KCNMA1: variants seen among roughly 807,000 people sequenced by gnomAD.
The protein encoded by KCNMA1 is potassium calcium-activated channel subfamily M alpha 1.
Under a neutral mutation model 140.0 loss-of-function variants are expected in KCNMA1, and 29 were observed. That is an observed-to-expected ratio of 0.21 (90% CI 0.15 to 0.28). The LOEUF (loss-of-function observed/expected upper bound fraction) is 0.28, where lower values mean the gene tolerates loss of function less well. Ranked by LOEUF, KCNMA1 falls within the 10% of genes least tolerant of loss-of-function variation. KCNMA1 has a pLI of 1.00. For synonymous variants in KCNMA1, 612 were observed against 611.9 expected, an observed-to-expected ratio of 1.00 and a Z score of 0.00; for missense variants, 880 against 1,602.2, an observed-to-expected ratio of 0.55 and a Z score of 7.70.
chr10:77,017,400 C>A (rs2092264179), intron 17 of KCNMA1, among the ~76,000 whole-genome samples: 1 of 152,140 alleles, frequency 6.6e-6, no homozygotes. Context: ...AAGGTTCAGT[C>A]CCATTAATCC....
intron 5 of KCNMA1, among the ~76,000 whole-genome samples, chr10:77,123,158 C>A (rs1409154644): frequency 8.9e-6 from 1 of 112,442 alleles, no homozygotes; most frequent in Non-Finnish European, 1.6e-5. Context: ...CCAGCCTGGG[C>A]GACAGAGCGA....
chr10:77,588,255 G>A (rs921622073), intron 1 of KCNMA1, among the ~76,000 whole-genome samples: 1 of 152,250 alleles, frequency 6.6e-6, no homozygotes, highest in Admixed American at 6.5e-5. Context: ...AGGAGGCTGA[G>A]AGCAGAAAGG....
chr10:77,030,092 G>C (rs1286967550), intron 15 of KCNMA1, among the ~76,000 whole-genome samples: 1 of 152,220 alleles, frequency 6.6e-6, no homozygotes, highest in East Asian at 1.9e-4. Flanking sequence ...CTACATGTGA[G>C]GTTGTGGTCC....
intron 3 of KCNMA1, among the ~76,000 whole-genome samples, chr10:77,198,191 T>C (rs1279769808): frequency 1.3e-5 from 2 of 152,118 alleles, no homozygotes; most frequent in Non-Finnish European, 2.9e-5. Flanking sequence ...GTAGTTACAG[T>C]TCATTATAGA....
At chr10:77,239,774 G>A (rs1255517567) in intron 3 of KCNMA1, among the ~76,000 whole-genome samples, 1 of 152,184 alleles carries the variant, frequency 6.6e-6, no homozygotes, top group Non-Finnish European at 1.5e-5. Context: ...ATGTCTCAGG[G>A]GAAAAGTCTA....
chr10:77,538,226 T>C (rs2059390155), intron 1 of KCNMA1, among the ~76,000 whole-genome samples: 1 of 151,646 alleles, frequency 6.6e-6, no homozygotes, highest in East Asian at 1.9e-4. Flanking sequence ...TCACATACTC[T>C]ACACACTCAC....
At chr10:77,399,682 A>C (rs1258202986) in intron 2 of KCNMA1, among the ~76,000 whole-genome samples, 1 of 152,226 alleles carries the variant, frequency 6.6e-6, no homozygotes, top group Non-Finnish European at 1.5e-5. Context: ...GACTATAAAA[A>C]GCACTGGTGA....
At chr10:76,877,743 C>T in exon 30 of KCNMA1, 2 of 1,553,206 alleles carry the variant, frequency 1.3e-6, no homozygotes, top group Non-Finnish European at 1.7e-6. Flanking sequence ...TGGGAGTCAA[C>T]ATTCATCTTC....
At chr10:77,342,656 T>A (rs554055115) in intron 2 of KCNMA1, among the ~76,000 whole-genome samples, 2 of 152,236 alleles carry the variant, frequency 1.3e-5, no homozygotes, top group African/African-American at 2.4e-5. Context: ...ACATGAAAGG[T>A]GCTATTATCA....
At chr10:77,619,731 C>T (rs1213028726) in intron 1 of KCNMA1, among the ~76,000 whole-genome samples, 1 of 152,122 alleles carries the variant, frequency 6.6e-6, no homozygotes, top group Non-Finnish European at 1.5e-5. Context: ...GACAGGATGC[C>T]TGTATAGAAA....
At chr10:76,934,026 G>A in intron 23 of KCNMA1, among the ~76,000 whole-genome samples, 1 of 152,062 alleles carries the variant, frequency 6.6e-6, no homozygotes, top group Admixed American at 6.6e-5. Flanking sequence ...AGGCTGGAGG[G>A]CAATGGCGCA....
chr10:76,968,471 TTTCAGAC>T (rs1485189577), intron 20 of KCNMA1, among the ~76,000 whole-genome samples: 1 of 152,212 alleles, frequency 6.6e-6, no homozygotes, highest in Non-Finnish European at 1.5e-5. Flanking sequence ...GTTTCAGATT[TTTCAGAC>T]TTCTCTTTAT....
intron 5 of KCNMA1, among the ~76,000 whole-genome samples, chr10:77,156,909 C>G (rs534748690): frequency 1.7e-4 from 26 of 152,282 alleles, no homozygotes; most frequent in African/African-American, 6.3e-4. Flanking sequence ...TCAACATTCC[C>G]TGTTCCCTAG....
intron 15 of KCNMA1, among the ~76,000 whole-genome samples, chr10:77,038,196 G>A (rs1319979963): frequency 2.0e-5 from 3 of 152,124 alleles, no homozygotes; most frequent in Admixed American, 6.5e-5. Context: ...GCCACCAAGC[G>A]CTCCGCCTCC....
At chr10:76,954,441 T>C (rs1240320623) in intron 20 of KCNMA1, among the ~76,000 whole-genome samples, 1 of 152,244 alleles carries the variant, frequency 6.6e-6, no homozygotes, top group African/African-American at 2.4e-5. Context: ...TCTGACGTGA[T>C]GCTCTTCGCA....
Position 76,886,109 on chromosome 10 carries a change from C to G in KCNMA1, c.*1157G>C. On this transcript the variant is annotated 3_prime_UTR_variant, in exon 28 of 28. Coordinates refer to ENST00000286628, the MANE Select transcript of KCNMA1 (RefSeq NM_001161352.2). ...TTTGTTGAGTCAACTGTGGCTGATC[C>G]TCCTACATTCTAATTTATTTAGCAT... 1 of 985,392 alleles carries G rather than the reference C, an allele frequency of 1.0e-6. No individual in the cohort carries two copies. Among genetic ancestry groups the G allele is most frequent in the Non-Finnish European group, 1.2e-6 (1 of 829,932 alleles). The allele number at this position is 985,392 out of a possible 1,614,324, so 61.0% of individuals were successfully genotyped here.
intron 1 of KCNMA1, among the ~76,000 whole-genome samples, chr10:77,563,855 TC>T (rs2067222543): frequency 6.6e-6 from 1 of 152,196 alleles, no homozygotes; most frequent in Non-Finnish European, 1.5e-5. Flanking sequence ...CAGTCCCTGG[TC>T]CCGGCTCTGC....
At chr10:77,610,631 C>A (rs1023399283) in intron 1 of KCNMA1, among the ~76,000 whole-genome samples, 7 of 152,184 alleles carry the variant, frequency 4.6e-5, no homozygotes, top group African/African-American at 1.7e-4. Context: ...AAGCCAGACA[C>A]AAAAGGCCAC....
chr10:77,557,695 T>C (rs1472731068), intron 1 of KCNMA1, among the ~76,000 whole-genome samples: 1 of 149,284 alleles, frequency 6.7e-6, no homozygotes, highest in Non-Finnish European at 1.5e-5. Context: ...TCACCCAGGC[T>C]AGAGTGGAAT....
Sources: gnomAD v4.1 joint callset for allele counts (sites outside exome capture counted in the v4.1 genomes callset) on GRCh38, gnomAD v4.1.1 for gene constraint, MANE v1.5 for transcripts, NCBI Gene and HGNC (gene_info 2026-07-23, HGNC 2026-07-21) for gene names.